The following PEX7 variants were observed in gnomAD, a reference collection of about 807,000 sequenced individuals.
The protein encoded by PEX7 is PTS2 receptor.
A neutral mutation model predicts 47.5 loss-of-function variants in PEX7; 34 were observed. That is an observed-to-expected ratio of 0.72 (90% CI 0.54 to 0.95). The LOEUF (loss-of-function observed/expected upper bound fraction) is 0.95, where lower values mean the gene tolerates loss of function less well. Among genes scored for constraint, PEX7 ranks in the 40% least tolerant of loss-of-function variants. PEX7 has a pLI of 0.00. For missense variants in PEX7, 394 were observed against 400.3 expected (o/e 0.98, Z 0.13); for synonymous variants, 141 against 148.8 (o/e 0.95, Z 0.38).
intron 2 of PEX7, 151 bp downstream of exon 2, chr6:136,825,422 G>C (rs970457170): frequency 1.0e-5 from 7 of 678,344 alleles, no homozygotes; most frequent in Non-Finnish European, 1.8e-5. Context: ...GCTGATTGTG[G>C]TGGTGCGCAC....
At chr6:136,829,677 C>T (rs1162288186) in intron 3 of PEX7, among the ~76,000 whole-genome samples, 1 of 152,162 alleles carries the variant, frequency 6.6e-6, no homozygotes, top group Non-Finnish European at 1.5e-5. Context: ...TGAGTCATGC[C>T]TGTAATCCTA....
At chr6:136,849,048 A>AT (rs1774687000) in intron 5 of PEX7, among the ~76,000 whole-genome samples, 2 of 152,170 alleles carry the variant, frequency 1.3e-5, no homozygotes, top group Non-Finnish European at 2.9e-5. Flanking sequence ...TGGTGTATTC[A>AT]GGGGTTCAGC....
chr6:136,877,186 G>A (rs527423171), intron 8 of PEX7, among the ~76,000 whole-genome samples: 1 of 145,450 alleles, frequency 6.9e-6, no homozygotes, highest in South Asian at 2.2e-4. Context: ...TGATGGGGTT[G>A]TTTTTTTTTT....
intron 3 of PEX7, chr6:136,830,178 C>G (rs1408560952): frequency 1.6e-6 from 1 of 617,798 alleles, no homozygotes; most frequent in Non-Finnish European, 2.9e-6. Context: ...CATATTTTTC[C>G]TAAACTTGAG....
In PEX7 at chr6:136,825,279, G is replaced by A; in HGVS notation, c.188+8G>A. The A allele has an allele frequency of 1.2e-6, 2 of 1,605,646 alleles. No homozygotes were observed. Among genetic ancestry groups the A allele is most frequent in the Non-Finnish European group, 1.7e-6 (2 of 1,172,366 alleles). ...GCTAAGGCTTTTTAGAAGGTAAGGG[G>A]GCTGAAATTATTAAAGGTATATATT... On this transcript the variant is annotated splice_region_variant and intron_variant, in intron 2 of 9. Coordinates refer to ENST00000318471, the MANE Select transcript of PEX7 (RefSeq NM_000288.4).
intron 3 of PEX7, among the ~76,000 whole-genome samples, chr6:136,837,812 CCACACACACA>C (rs34680868): frequency 3.4e-5 from 5 of 146,716 alleles, no homozygotes; most frequent in Admixed American, 6.9e-5. Flanking sequence ...AATTTAAACG[CCACACACACA>C]CACACACACA....
intron 3 of PEX7, among the ~76,000 whole-genome samples, chr6:136,840,415 C>G (rs1247952479): frequency 6.6e-6 from 1 of 151,932 alleles, no homozygotes; most frequent in Non-Finnish European, 1.5e-5. Context: ...GTATGCATCC[C>G]TAAGTCATGC....
intron 8 of PEX7, among the ~76,000 whole-genome samples, chr6:136,896,036 T>G (rs1775641779): frequency 6.6e-6 from 1 of 152,214 alleles, no homozygotes. Flanking sequence ...CATCACACTT[T>G]CAGGCTGAAG....
rs796850547 is a variant in PEX7 at position 136,839,782 on chromosome 6, C to G, written c.340-5833C>G. 6.6e-5 allele frequency among the ~76,000 whole-genome samples: 10 copies of G among 152,282 alleles called. 1 individual carries two copies. Among genetic ancestry groups the G allele is most frequent in the African/African-American group, 1.9e-4 (8 of 41,550 alleles). ...TTCATTCCAGAAACTTTTATTAACT[C>G]TACTGTGTGCAAGATACTGTACCAG... On this transcript the variant is annotated intron_variant, in intron 3 of 9. Coordinates refer to ENST00000318471, the MANE Select transcript of PEX7 (RefSeq NM_000288.4).
intron 5 of PEX7, among the ~76,000 whole-genome samples, chr6:136,863,484 A>G (rs1775002861): frequency 6.6e-6 from 1 of 152,226 alleles, no homozygotes; most frequent in Non-Finnish European, 1.5e-5. Flanking sequence ...CCATAAAAAT[A>G]TAATAAAAGT....
intron 3 of PEX7, among the ~76,000 whole-genome samples, chr6:136,833,497 T>A (rs1318236740): frequency 6.6e-6 from 1 of 152,250 alleles, no homozygotes; most frequent in African/African-American, 2.4e-5. Context: ...CACAACACAT[T>A]TATCAACTGA....
At chr6:136,826,817 C>T (rs1444735082) in intron 3 of PEX7, among the ~76,000 whole-genome samples, 1 of 152,094 alleles carries the variant, frequency 6.6e-6, no homozygotes, top group African/African-American at 2.4e-5. Context: ...GGACTTTTCA[C>T]ATAGACATCA....
intron 3 of PEX7, among the ~76,000 whole-genome samples, chr6:136,841,309 C>G (rs1253519613): frequency 1.3e-5 from 2 of 152,142 alleles, no homozygotes; most frequent in Non-Finnish European, 2.9e-5. Context: ...TTTCCTTCCT[C>G]CAGTCTTTCA....
intron 5 of PEX7, among the ~76,000 whole-genome samples, chr6:136,847,845 T>C (rs1186928796): frequency 6.6e-6 from 1 of 152,192 alleles, no homozygotes. Flanking sequence ...TTTGGTTCCA[T>C]AGGAACTTTA....
intron 3 of PEX7, among the ~76,000 whole-genome samples, chr6:136,838,498 C>T (rs114837510): frequency 6.6e-6 from 1 of 152,066 alleles, no homozygotes; most frequent in Non-Finnish European, 1.5e-5. Flanking sequence ...GACATAACAG[C>T]TAAGTGTAAA....
intron 8 of PEX7, among the ~76,000 whole-genome samples, chr6:136,880,489 C>G (rs1775358089): frequency 6.6e-6 from 1 of 152,172 alleles, no homozygotes; most frequent in Non-Finnish European, 1.5e-5. Context: ...CAGTGTTCCC[C>G]ACACTGTCCT....
In PEX7 at chr6:136,826,373, T is replaced by G; in HGVS notation, c.243T>G (p.His81Gln). ...TGACTTGGAGTGAGAACAACGAACA[T>G]GTCCTCATCACCTGTAGTGGCGATG... ...FDVTWSENNE[H>Q]VLITCSGDGS... The change falls in exon 3 of 10, where the codon CAT becomes CAG. Residue 81 changes from histidine (H) to glutamine (Q), a missense_variant. Physicochemically the swap from His to Gln is conservative, Grantham distance 24 (BLOSUM62 0). Transcript: ENST00000318471. The G allele has an allele frequency of 6.2e-7, 1 of 1,614,054 alleles. No individual in the cohort carries two copies. The highest frequency in any genetic ancestry group is 8.5e-7 in the Non-Finnish European group (1 of 1,180,018).
chr6:136,883,867 C>G (rs1022022586), intron 8 of PEX7, among the ~76,000 whole-genome samples: 4 of 152,182 alleles, frequency 2.6e-5, no homozygotes, highest in Admixed American at 2.0e-4. Flanking sequence ...AATTGGTAAA[C>G]ATTTTCCCAG....
At position 136,843,914 on chromosome 6, in the gene PEX7, C is replaced by T. The variant is rs117617242; in HGVS notation, c.340-1701C>T. On this transcript the variant is annotated intron_variant, in intron 3 of 9. Coordinates refer to ENST00000318471, the MANE Select transcript of PEX7 (RefSeq NM_000288.4). ...CTCTAGGTACACAATTTAAGGGGGC[C>T]CCAAAAAACTTGATAATCAAGATAA... 1.5e-3 allele frequency among the ~76,000 whole-genome samples: 224 copies of T among 150,994 alleles called. 4 individuals carry two copies. The East Asian group carries it at 0.033, about 22-fold the overall frequency.
Sources: gnomAD v4.1 joint callset for allele counts (sites outside exome capture counted in the v4.1 genomes callset) on GRCh38, gnomAD v4.1.1 for gene constraint, MANE v1.5 for transcripts, NCBI Gene and HGNC (gene_info 2026-07-23, HGNC 2026-07-21) for gene names.